Variants in SORCS3 observed in about 807,000 individuals in gnomAD.
SORCS3 encodes the protein sortilin related VPS10 domain containing receptor 3, also known as VPS10 domain-containing receptor SorCS3.
SORCS3 carries 57 observed loss-of-function variants against 146.3 expected under a neutral mutation model. The observed-to-expected ratio is 0.39, with a 90% CI of 0.31 to 0.49. SORCS3 has a LOEUF of 0.49. Among genes scored for constraint, SORCS3 ranks in the 20% least tolerant of loss-of-function variants. The pLI is 0.92. For missense variants in SORCS3, 1,341 were observed against 1,575.5 expected, an observed-to-expected ratio of 0.85 and a Z score of 2.52; for synonymous variants, 653 against 618.5, an observed-to-expected ratio of 1.06 and a Z score of -0.83.
At chr10:105,209,699 A>G (rs1181294585) in intron 16 of SORCS3, among the ~76,000 whole-genome samples, 1 of 152,176 alleles carries the variant, frequency 6.6e-6, no homozygotes, top group Non-Finnish European at 1.5e-5. Flanking sequence ...TACCAAACAT[A>G]GAAAAAAGTG....
intron 7 of SORCS3, among the ~76,000 whole-genome samples, chr10:105,133,875 T>C (rs961481008): frequency 1.3e-5 from 2 of 152,136 alleles, no homozygotes; most frequent in Non-Finnish European, 1.5e-5. Flanking sequence ...GGAGGATTGC[T>C]TGAGCTGGGC....
chr10:105,131,525 T>G (rs531743086), intron 7 of SORCS3, among the ~76,000 whole-genome samples: 1 of 152,292 alleles, frequency 6.6e-6, no homozygotes, highest in African/African-American at 2.4e-5. Flanking sequence ...AGCATTGATT[T>G]CTCAGAACTT....
chr10:104,663,127 G>A (rs531621690), intron 1 of SORCS3, among the ~76,000 whole-genome samples: 5 of 152,190 alleles, frequency 3.3e-5, no homozygotes, highest in South Asian at 4.1e-4. Flanking sequence ...CCTCTTGCCC[G>A]CTCCCTCCTG....
At chr10:105,025,918 C>A (rs1014848743) in intron 4 of SORCS3, among the ~76,000 whole-genome samples, 2 of 151,522 alleles carry the variant, frequency 1.3e-5, no homozygotes, top group African/African-American at 4.9e-5. Flanking sequence ...TCTTGACACC[C>A]TCACAACTCA....
intron 1 of SORCS3, among the ~76,000 whole-genome samples, chr10:104,698,234 G>A (rs1046842119): frequency 6.6e-6 from 1 of 152,154 alleles, no homozygotes; most frequent in African/African-American, 2.4e-5. Context: ...TGGAATCTGA[G>A]AGTCTGAGTT....
At chr10:105,014,141 G>A (rs790652) in intron 4 of SORCS3, among the ~76,000 whole-genome samples, 6,805 of 146,414 alleles carry the variant, frequency 0.046, 203 homozygotes, top group East Asian at 0.16. Flanking sequence ...ATATAACAAC[G>A]TAATATAAAA....
intron 2 of SORCS3, among the ~76,000 whole-genome samples, chr10:104,912,739 A>C (rs2018981643): frequency 6.6e-6 from 1 of 152,240 alleles, no homozygotes; most frequent in Admixed American, 6.5e-5. Context: ...TGTTAAAAAC[A>C]TGGTTCTAGT....
intron 1 of SORCS3, among the ~76,000 whole-genome samples, chr10:104,830,280 A>C (rs2017985794): frequency 6.6e-6 from 1 of 152,220 alleles, no homozygotes; most frequent in Admixed American, 6.5e-5. Flanking sequence ...GAGATTGAAT[A>C]CAGGAATTGA....
chr10:105,253,827 G>A (rs1589712393), intron 23 of SORCS3, among the ~76,000 whole-genome samples: 1 of 152,290 alleles, frequency 6.6e-6, no homozygotes, highest in East Asian at 1.9e-4. Flanking sequence ...TGCATTGCAG[G>A]GTTGCATATT....
intron 2 of SORCS3, among the ~76,000 whole-genome samples, chr10:104,897,136 AAT>A (rs2018806135): frequency 2.6e-5 from 4 of 152,210 alleles, no homozygotes; most frequent in Admixed American, 2.6e-4. Context: ...ATGTCAAAGC[AAT>A]AATACTTTCA....
intron 1 of SORCS3, among the ~76,000 whole-genome samples, chr10:104,683,872 A>G (rs1589456498): frequency 6.6e-6 from 1 of 152,142 alleles, no homozygotes; most frequent in South Asian, 2.1e-4. Context: ...TCAGGGCTCT[A>G]TGCTGGGGAT....
At chr10:104,934,009 G>T (rs2133612954) in intron 3 of SORCS3, among the ~76,000 whole-genome samples, 1 of 152,230 alleles carries the variant, frequency 6.6e-6, no homozygotes, top group Middle Eastern at 3.4e-3. Flanking sequence ...TGGCCAGGCT[G>T]GTCTCGAACT....
chr10:104,977,101 C>A (rs1423523893), intron 3 of SORCS3, among the ~76,000 whole-genome samples: 1 of 151,572 alleles, frequency 6.6e-6, no homozygotes, highest in East Asian at 1.9e-4. Flanking sequence ...AGATGGACAT[C>A]AAAAATGAAA....
intron 1 of SORCS3, among the ~76,000 whole-genome samples, chr10:104,802,134 C>A (rs2017630872): frequency 6.6e-6 from 1 of 152,120 alleles, no homozygotes; most frequent in Non-Finnish European, 1.5e-5. Flanking sequence ...ATTTTATACA[C>A]CTCAACATTA....
intron 20 of SORCS3, among the ~76,000 whole-genome samples, chr10:105,229,773 G>A (rs564813456): frequency 2.0e-5 from 3 of 152,260 alleles, no homozygotes; most frequent in Non-Finnish European, 4.4e-5. Flanking sequence ...CTATTTAGGG[G>A]CCTCAGAGCA....
intron 1 of SORCS3, among the ~76,000 whole-genome samples, chr10:104,703,711 G>GTTTTTTT (rs11338927): frequency 4.4e-4 from 59 of 135,410 alleles, no homozygotes; most frequent in Middle Eastern, 3.8e-3. Flanking sequence ...CATGTATCCT[G>GTTTTTTT]TTTTTTTTTT....
chr10:104,725,583 A>G (rs992730267), intron 1 of SORCS3, among the ~76,000 whole-genome samples: 6 of 152,134 alleles, frequency 3.9e-5, no homozygotes, highest in African/African-American at 1.2e-4. Context: ...GGTGGAGTCT[A>G]TAGAGGCAGG....
At chr10:104,651,793 G>A (rs748815186) in intron 1 of SORCS3, among the ~76,000 whole-genome samples, 13 of 152,242 alleles carry the variant, frequency 8.5e-5, no homozygotes, top group Non-Finnish European at 1.2e-4. Flanking sequence ...TCTGCATGCT[G>A]GCCTGATTTC....
chr10:105,095,992 G>A (rs949080471), intron 6 of SORCS3, among the ~76,000 whole-genome samples: 1 of 152,068 alleles, frequency 6.6e-6, no homozygotes. Flanking sequence ...AGAAATTTGT[G>A]CTTTTCTTAT....
Sources: allele counts gnomAD v4.1 joint callset (sites outside exome capture counted in the v4.1 genomes callset), GRCh38; gene constraint gnomAD v4.1.1; transcripts MANE v1.5; gene names NCBI Gene and HGNC (gene_info 2026-07-23, HGNC 2026-07-21).